KPTN: variants seen among roughly 807,000 people sequenced by gnomAD.
The protein encoded by KPTN is kaptin, actin binding protein, also known as KICSTOR complex protein kaptin.
Under a neutral mutation model 52.6 loss-of-function variants are expected in KPTN, and 36 were observed. The ratio of observed to expected loss-of-function variants is 0.68; its 90% confidence interval spans 0.52 to 0.90. The LOEUF (loss-of-function observed/expected upper bound fraction) is 0.90, where lower values mean the gene tolerates loss of function less well. Among genes scored for constraint, KPTN ranks in the 40% least tolerant of loss-of-function variants. KPTN has a pLI of 0.00. For missense variants in KPTN, 529 were observed against 576.2 expected, an observed-to-expected ratio of 0.92 and a Z score of 0.84; for synonymous variants, 271 against 248.4, an observed-to-expected ratio of 1.09 and a Z score of -0.85.
chr19:47,482,199 G>A (rs1967899061), intron 4 of KPTN, among the ~76,000 whole-genome samples: 2 of 152,196 alleles, frequency 1.3e-5, no homozygotes, highest in South Asian at 4.1e-4. Flanking sequence ...TTAAAAGCAT[G>A]ATGCTCCGGC....
At chr19:47,481,090 AG>A in intron 4 of KPTN, 57 bp from the exon 5 acceptor site, 1 of 1,394,978 alleles carries the variant, frequency 7.2e-7, no homozygotes, top group East Asian at 2.5e-5. Context: ...TCTGAGAACC[AG>A]AACTCTCCTC....
intron 4 of KPTN, among the ~76,000 whole-genome samples, chr19:47,482,085 G>T (rs929329352): frequency 5.9e-5 from 9 of 152,342 alleles, no homozygotes; most frequent in Admixed American, 4.6e-4. Context: ...AATTCTAGAT[G>T]TGCAGAATTC....
intron 9 of KPTN, 132 bp from the exon 10 acceptor site, chr19:47,477,070 A>T: frequency 1.1e-6 from 1 of 900,858 alleles, no homozygotes; most frequent in African/African-American, 1.7e-5. Context: ...GGAAGCCTAG[A>T]CATCATCATC....
chr19:47,483,908 G>GC lies in KPTN; in HGVS notation c.226+26dup, dbSNP rs541192665. The GC allele has an allele frequency of 6.0e-4, 970 of 1,611,048 alleles. 4 individuals carry two copies. The African/African-American group carries it at 0.012, about 19-fold the overall frequency. On this transcript the variant is annotated intron_variant, in intron 1 of 11. Transcript: ENST00000338134. Reference sequence around the variant, plus strand: ...TCTCAACACCACGTTCCAGGCCCCCGCCCCCCAGCACCATAGCGCCACCCA... The same window carrying GC: ...TCTCAACACCACGTTCCAGGCCCCCGCCCCCCCAGCACCATAGCGCCACCCA...
intron 4 of KPTN, among the ~76,000 whole-genome samples, chr19:47,482,541 T>G (rs1354902064): frequency 1.3e-5 from 2 of 151,568 alleles, no homozygotes; most frequent in Admixed American, 1.3e-4. Context: ...ATGTAGAATC[T>G]GATTGTCTAT....
At chr19:47,483,882 T>G in intron 1 of KPTN, 53 bp downstream of exon 1, 2 of 1,606,282 alleles carry the variant, frequency 1.2e-6, no homozygotes, top group Non-Finnish European at 1.7e-6. Context: ...CTCAGAAGCC[T>G]TCTCAACACC....
At chr19:47,483,653 C>A in intron 1 of KPTN, 69 bp from the exon 2 acceptor site, 6 of 1,188,862 alleles carry the variant, frequency 5.0e-6, no homozygotes, top group Non-Finnish European at 7.2e-6. Context: ...ACATGGTGAG[C>A]TCTGGCTACC....
At position 47,476,682 on chromosome 19, in the gene KPTN, C is replaced by T. The variant is rs368618186; in HGVS notation, c.1032G>A (p.Glu344=). 44 of 1,612,664 alleles carry T rather than the reference C, an allele frequency of 2.7e-5. No homozygotes were observed. The African/African-American group carries it at 4.5e-4, about 17-fold the overall frequency. Residue 344 remains glutamate (E), a synonymous_variant, in exon 11 of 12, where the codon GAG becomes GAA. Transcript: ENST00000338134. ...CGTGCTGGGCCTCAGGAAGCCCCGA[C>T]TCTGGGCCCCGGTACTTATAACACA... ...ELLCYKYRGP[E]SGLPEAQHGF...
chr19:47,480,480 G>T, intron 6 of KPTN, 73 bp from the exon 7 acceptor site: 3 of 1,120,740 alleles, frequency 2.7e-6, no homozygotes, highest in Non-Finnish European at 2.5e-6. Flanking sequence ...CTCCCCAGGG[G>T]CAGCCGCCCC....
intron 8 of KPTN, among the ~76,000 whole-genome samples, chr19:47,479,498 C>T (rs1967788656): frequency 6.6e-6 from 1 of 152,054 alleles, no homozygotes. Flanking sequence ...GAAGGGGCCA[C>T]AGAGCGGGGT....
At chr19:47,481,911 C>G (rs1415052611) in intron 4 of KPTN, among the ~76,000 whole-genome samples, 1 of 152,130 alleles carries the variant, frequency 6.6e-6, no homozygotes, top group Non-Finnish European at 1.5e-5. Context: ...TCTATCTCCT[C>G]GAAAGATGAG....
At position 47,475,435 on chromosome 19, in the gene KPTN, G is replaced by T. The variant is rs760334759; in HGVS notation, c.1292C>A (p.Ala431Asp). ...GGGTGCTTAAGAGGCTGCATTCTCAGCAGGCCCTGCACCTGCCCCGTCCTC... is the reference window on the plus strand; with the variant it reads ...GGGTGCTTAAGAGGCTGCATTCTCATCAGGCCCTGCACCTGCCCCGTCCTC... Reference protein sequence around the residue: ...GLEDGAGAGPAENAAS With the variant: ...GLEDGAGAGPDENAAS Residue 431 changes from alanine to aspartate, a missense_variant, in exon 12 of 12, where the codon GCT (alanine) becomes GAT (aspartate). Transcript: ENST00000338134. The T allele has an allele frequency of 7.4e-6, 12 of 1,612,870 alleles. No individual in the cohort carries two copies. The highest frequency in any genetic ancestry group is 6.7e-5 in the African/African-American group (5 of 75,032).
chr19:47,479,143 A>G (rs996260125), intron 8 of KPTN, among the ~76,000 whole-genome samples: 5 of 152,134 alleles, frequency 3.3e-5, no homozygotes, highest in Non-Finnish European at 7.4e-5. Context: ...CCTGGGTTCA[A>G]TCGATTCTCC....
Position 47,475,336 on chromosome 19 carries a change from T to C in KPTN, c.*80A>G. 6.5e-7 allele frequency: 1 copy of C among 1,527,308 alleles called. No individual in the cohort carries two copies. Among genetic ancestry groups the C allele is most frequent in the South Asian group, 1.2e-5 (1 of 81,822 alleles). The allele number at this position is 1,527,308 out of a possible 1,614,324, so 94.6% of individuals were successfully genotyped here. A position where few individuals can be genotyped will look rare whatever the true frequency, so the allele number is the denominator to read the frequency against. ...AGGTCTGGGGAGAGCATCCTGTCCT[T>C]CAGGACACCCCCCACCAGCGGCTGG... On this transcript the variant is annotated 3_prime_UTR_variant, in exon 12 of 12. Coordinates refer to ENST00000338134, the MANE Select transcript of KPTN (RefSeq NM_007059.4).
rs767640554 is a variant in KPTN at position 47,484,146 on chromosome 19, C to A, written c.15G>T (p.Ala5=). 2 of 1,597,882 alleles carry A rather than the reference C, an allele frequency of 1.3e-6. No homozygotes were observed. The highest frequency in any genetic ancestry group is 2.2e-5 in the South Asian group (2 of 90,942). Residue 5 remains alanine, a synonymous_variant, in exon 1 of 12, where the codon GCG becomes GCT. Transcript: ENST00000338134. Reference sequence around the variant, plus strand: ...ACGGACAAGGCCCCGCGGCCACGGCCGCCTCCCCCATCATGCCCCTCAGTT... The same window carrying A: ...ACGGACAAGGCCCCGCGGCCACGGCAGCCTCCCCCATCATGCCCCTCAGTT... MMGE[A]AVAAGPCPLR...
chr19:47,483,226 G>C lies in KPTN; in HGVS notation c.395-11C>G. On this transcript the variant is annotated splice_polypyrimidine_tract_variant and intron_variant, in intron 3 of 11. Coordinates refer to ENST00000338134, the MANE Select transcript of KPTN (RefSeq NM_007059.4). Reference sequence around the variant, plus strand: ...GGTTCAGGCAGCTCTCTGTAGGCAGGGCACAGGCAGGTTAGCATGGGGGAC... The same window carrying C: ...GGTTCAGGCAGCTCTCTGTAGGCAGCGCACAGGCAGGTTAGCATGGGGGAC... 6 of 1,614,040 alleles carry C rather than the reference G, an allele frequency of 3.7e-6. No individual in the cohort carries two copies. The highest frequency in any genetic ancestry group is 5.1e-6 in the Non-Finnish European group (6 of 1,179,992).
chr19:47,485,708 C>T (rs12460436), upstream of KPTN, among the ~76,000 whole-genome samples: 22,471 of 152,130 alleles, frequency 0.15, 1,792 homozygotes, highest in East Asian at 0.22. Context: ...GGAAAGTTCT[C>T]AAAGGCAGAC....
chr19:47,477,870 G>T (rs1270681548), intron 8 of KPTN, 89 bp from the exon 9 acceptor site: 2 of 842,402 alleles, frequency 2.4e-6, no homozygotes, highest in Non-Finnish European at 3.9e-6. Context: ...GACCAGCCTG[G>T]TCAACATGAT....
chr19:47,480,763 C>T lies in KPTN; in HGVS notation c.596G>A (p.Ser199Asn). The change falls in exon 6 of 12, where the codon AGT (serine) becomes AAT (asparagine). Residue 199 changes from serine (S) to asparagine (N), a missense_variant. By Grantham distance (46) the Ser-to-Asn change is conservative. Coordinates refer to ENST00000338134, the MANE Select transcript of KPTN (RefSeq NM_007059.4). Reference sequence around the variant, plus strand: ...CCTCTTTCGGGGCCTCTCCTACCTACTGGTCAGGTTCGTCAGCTCTGGGAA... The same window carrying T: ...CCTCTTTCGGGGCCTCTCCTACCTATTGGTCAGGTTCGTCAGCTCTGGGAA... ...NLFPELTNLT[S>N]SVLWLDVHNF... 1 of 1,614,044 alleles carries T rather than the reference C, an allele frequency of 6.2e-7. No homozygotes were observed. Among genetic ancestry groups the T allele is most frequent in the East Asian group, 2.2e-5 (1 of 44,876 alleles).
Sources: gnomAD v4.1 joint callset for allele counts (sites outside exome capture counted in the v4.1 genomes callset) on GRCh38, gnomAD v4.1.1 for gene constraint, MANE v1.5 for transcripts, NCBI Gene and HGNC (gene_info 2026-07-23, HGNC 2026-07-21) for gene names.